UBE2V2: variants seen among roughly 807,000 people sequenced by gnomAD.
UBE2V2 encodes the protein ubiquitin conjugating enzyme E2 V2, also known as ubiquitin-conjugating enzyme E2 variant 2.
Under a neutral mutation model 17.2 loss-of-function variants are expected in UBE2V2, and 9 were observed. That is an observed-to-expected ratio of 0.52 (90% confidence interval 0.32 to 0.91). UBE2V2 has a LOEUF of 0.91. Ranked by LOEUF, UBE2V2 falls within the 40% of genes least tolerant of loss-of-function variation. UBE2V2 has a pLI of 0.04. For synonymous variants in UBE2V2, 61 were observed against 57.5 expected (o/e 1.06, Z -0.28); for missense variants, 133 against 182.6 (o/e 0.73, Z 1.56).
At position 48,049,867 on chromosome 8, in the gene UBE2V2, C is replaced by T. The variant is rs1563859013; in HGVS notation, c.180C>T (p.Asn60=). The T allele has an allele frequency of 1.9e-6, 3 of 1,581,896 alleles. No homozygotes were observed. The highest frequency in any genetic ancestry group is 2.6e-6 in the Non-Finnish European group (3 of 1,168,204). ...IIGPPRTNYE[N]RIYSLKVECG... is the part of the protein sequence containing the mutation. ...TTGCCTTCCAGACAAATTATGAAAACAGAATATATAGCCTGAAAGTAGAAT... is the reference window on the plus strand; with the variant it reads ...TTGCCTTCCAGACAAATTATGAAAATAGAATATATAGCCTGAAAGTAGAAT... The change falls in exon 3 of 4, where the codon AAC becomes AAT. Residue 60 remains asparagine (N), a synonymous_variant. Transcript: ENST00000523111.
chr8:48,003,543 T>A (rs2091165758), upstream of UBE2V2, among the ~76,000 whole-genome samples: 1 of 152,246 alleles, frequency 6.6e-6, no homozygotes, highest in African/African-American at 2.4e-5. Context: ...TGTGTGAGTG[T>A]GCTTTGATCG....
upstream of UBE2V2, among the ~76,000 whole-genome samples, chr8:48,005,250 T>C (rs567458506): frequency 3.9e-5 from 6 of 152,132 alleles, no homozygotes; most frequent in Admixed American, 6.6e-5. Context: ...CTCCCACTTA[T>C]AAGTGAGAAC....
intron 1 of UBE2V2, among the ~76,000 whole-genome samples, chr8:48,032,928 CTG>C (rs1162465886): frequency 1.3e-5 from 2 of 152,044 alleles, no homozygotes; most frequent in Non-Finnish European, 2.9e-5. Context: ...GAGTGTAGAA[CTG>C]TGGTGGGGCT....
chr8:48,000,436 C>T, the UBE2V2 span, among the ~76,000 whole-genome samples: 1 of 152,154 alleles, frequency 6.6e-6, no homozygotes, highest in Non-Finnish European at 1.5e-5. Flanking sequence ...TATAACTTTC[C>T]TTTTCAAACC....
chr8:48,054,885 T>C (rs896367737), intron 3 of UBE2V2, among the ~76,000 whole-genome samples: 1 of 152,184 alleles, frequency 6.6e-6, no homozygotes, highest in Non-Finnish European at 1.5e-5. Flanking sequence ...TGCTCTTTAC[T>C]GCGTCCTCTC....
intron 1 of UBE2V2, among the ~76,000 whole-genome samples, chr8:48,032,230 TTTAAAC>T (rs2091388419): frequency 6.6e-6 from 1 of 152,214 alleles, no homozygotes; most frequent in Non-Finnish European, 1.5e-5. Flanking sequence ...TTGTGATCAA[TTTAAAC>T]TTAAATGTAT....
chr8:48,060,818 A>G lies in UBE2V2; in HGVS notation c.428A>G (p.Tyr143Cys), dbSNP rs1258403684. ...KLPQPPEGQT[Y>C]NN ...CCACAGCCACCAGAAGGACAAACAT[A>G]CAACAATTAATTTTAGTGGATCTCA... is the stretch of plus-strand genomic sequence containing the variant. The change falls in exon 4 of 4, where the codon TAC becomes TGC. Residue 143 changes from tyrosine to cysteine, a missense_variant. This residue lies in a region of UBE2V2 where 14 missense variants were observed against 38.1 expected (regional missense o/e 0.37). Transcript: ENST00000523111. 7 of 1,515,194 alleles carry G rather than the reference A, an allele frequency of 4.6e-6. No homozygotes were observed. 93.9% of individuals were successfully genotyped at this position (1,515,194 alleles called of 1,614,324 possible).
At chr8:48,053,559 G>A (rs2091553027) in intron 3 of UBE2V2, among the ~76,000 whole-genome samples, 1 of 151,682 alleles carries the variant, frequency 6.6e-6, no homozygotes, top group South Asian at 2.1e-4. Context: ...AAGTAGCTGG[G>A]ACCACAGGCA....
intron 1 of UBE2V2, among the ~76,000 whole-genome samples, chr8:48,037,869 CCT>C (rs1342846445): frequency 3.9e-5 from 6 of 152,214 alleles, no homozygotes; most frequent in Admixed American, 3.3e-4. Flanking sequence ...CTTTTCTCCT[CCT>C]CTTACCTCCC....
At chr8:48,015,963 T>G (rs968571806) in intron 1 of UBE2V2, among the ~76,000 whole-genome samples, 2 of 151,244 alleles carry the variant, frequency 1.3e-5, no homozygotes, top group Admixed American at 6.6e-5. Flanking sequence ...AGTGGCGCGT[T>G]CTCAGCTCAC....
intron 1 of UBE2V2, among the ~76,000 whole-genome samples, chr8:48,022,133 A>G (rs1266802956): frequency 1.3e-5 from 2 of 150,468 alleles, no homozygotes; most frequent in South Asian, 2.1e-4. Flanking sequence ...TTGATGTCAC[A>G]GTTTGGATCT....
intron 1 of UBE2V2, among the ~76,000 whole-genome samples, chr8:48,039,279 GTTTA>G (rs2091445786): frequency 6.6e-6 from 1 of 152,124 alleles, no homozygotes; most frequent in Non-Finnish European, 1.5e-5. Flanking sequence ...TAAAAACTAT[GTTTA>G]TTTATAGCTT....
chr8:48,025,897 G>C (rs1211254769), intron 1 of UBE2V2, among the ~76,000 whole-genome samples: 2 of 152,154 alleles, frequency 1.3e-5, no homozygotes, highest in African/African-American at 4.8e-5. Flanking sequence ...ACCGCACCGG[G>C]CTCTGGATTT....
intron 3 of UBE2V2, among the ~76,000 whole-genome samples, chr8:48,056,996 G>T (rs1427816117): frequency 6.6e-6 from 1 of 152,112 alleles, no homozygotes; most frequent in African/African-American, 2.4e-5. Context: ...AAAGTGCTGG[G>T]GTTACAGGAG....
chr8:48,024,512 T>G (rs1475868123), intron 1 of UBE2V2, among the ~76,000 whole-genome samples: 1 of 152,000 alleles, frequency 6.6e-6, no homozygotes, highest in African/African-American at 2.4e-5. Context: ...GGAGAATCGC[T>G]TGAACCTGGG....
intron 1 of UBE2V2, among the ~76,000 whole-genome samples, chr8:48,010,395 AC>A (rs1168272871): frequency 7.2e-6 from 1 of 138,224 alleles, no homozygotes; most frequent in African/African-American, 2.8e-5. Flanking sequence ...GTTCCCATCT[AC>A]TAGTTTTTTT....
At chr8:48,044,155 A>T (rs2091482920) in intron 2 of UBE2V2, among the ~76,000 whole-genome samples, 1 of 151,938 alleles carries the variant, frequency 6.6e-6, no homozygotes, top group Non-Finnish European at 1.5e-5. Flanking sequence ...GATGATGATG[A>T]TGATGATGAT....
At position 48,026,642 on chromosome 8, in the gene UBE2V2, A is replaced by G. The variant is rs2091348274; in HGVS notation, c.17-16391A>G. On this transcript the variant is annotated intron_variant, in intron 1 of 3. Transcript: ENST00000523111. ...GTCTCAATAGATTTACCCATTCTGT[A>G]CTTTCATATGTGTAGATTTATATAT... is the stretch of plus-strand genomic sequence containing the variant. 1.3e-5 allele frequency among the ~76,000 whole-genome samples: 2 copies of G among 152,128 alleles called. 1 individual carries two copies. Among genetic ancestry groups the G allele is most frequent in the Non-Finnish European group, 2.9e-5 (2 of 68,022 alleles).
At chr8:48,008,917 C>T (rs1369270350) in intron 1 of UBE2V2, among the ~76,000 whole-genome samples, 1 of 152,138 alleles carries the variant, frequency 6.6e-6, no homozygotes, top group African/African-American at 2.4e-5. Context: ...TTGGACTCTC[C>T]TTGACATGGG....
Sources: allele counts gnomAD v4.1 joint callset (sites outside exome capture counted in the v4.1 genomes callset), GRCh38; gene constraint gnomAD v4.1.1; regional missense constraint gnomAD v4.1.1; transcripts MANE v1.5; gene names NCBI Gene and HGNC (gene_info 2026-07-23, HGNC 2026-07-21).